Variants in UGT2A2 observed in about 807,000 individuals in gnomAD.
UGT2A2 encodes UDP-glucuronosyltransferase 2A2.
UGT2A2 carries 60 observed loss-of-function variants against 50.7 expected under a neutral mutation model. That is an observed-to-expected ratio of 1.18 (90% CI 0.96 to 1.47). UGT2A2 has a LOEUF of 1.47. UGT2A2 is among the 40% of genes most tolerant of loss of function. The probability of loss-of-function intolerance (pLI) is 0.00; values close to 1 mark genes in which losing one functional copy is unlikely to be tolerated. For synonymous variants in UGT2A2, 242 were observed against 214.6 expected (o/e 1.13, Z -1.11); for missense variants, 762 against 634.0 (o/e 1.20, Z -2.17).
In UGT2A2 at chr4:69,627,598, A is replaced by AAAG. The variant is rs1560486909; in HGVS notation, c.742+11300_742+11301insCTT. Among the ~76,000 whole-genome samples the AAAG allele has an allele frequency of 8.4e-3, 1,248 of 149,220 alleles. 9 individuals carry two copies. The highest frequency in any genetic ancestry group is 0.029 in the African/African-American group (1,165 of 40,624). On this transcript the variant is annotated intron_variant, in intron 1 of 5. Transcript: ENST00000604629. ...AGAGAGAAAGAAAAAAAGAAGAAAG[A>AAAG]AAAGAAAGAAAGAAAGAGAAGAAAG...
chr4:69,589,782 G>A (rs1718485839), intron 5 of UGT2A2, 131 bp from the exon 6 acceptor site: 20 of 1,325,784 alleles, frequency 1.5e-5, no homozygotes, highest in Non-Finnish European at 1.9e-5. Context: ...ATTCTTGCAT[G>A]AACTTTGTTA....
chr4:69,627,437 T>C lies in UGT2A2; in HGVS notation c.742+11462A>G, dbSNP rs1453472162. Among the ~76,000 whole-genome samples the C allele has an allele frequency of 2.0e-5, 3 of 149,182 alleles. 1 individual carries two copies. Among genetic ancestry groups the C allele is most frequent in the Admixed American group, 2.0e-4 (3 of 14,930 alleles). ...ATAACAAAATTCCAAATAAGAAATA[T>C]TTTTTGTTCCATAGGCAGACAGGCA... On this transcript the variant is annotated intron_variant, in intron 1 of 5. Transcript: ENST00000604629.
At chr4:69,637,770 G>C (rs1408444300) in intron 1 of UGT2A2, among the ~76,000 whole-genome samples, 2 of 152,050 alleles carry the variant, frequency 1.3e-5, no homozygotes, top group Non-Finnish European at 2.9e-5. Context: ...AATTTGATCT[G>C]TTTTGCTTAT....
chr4:69,616,368 T>C (rs1720384369), intron 1 of UGT2A2, among the ~76,000 whole-genome samples: 1 of 151,918 alleles, frequency 6.6e-6, no homozygotes, highest in Non-Finnish European at 1.5e-5. Flanking sequence ...TTAAAATGAC[T>C]AAGAGTGGAA....
intron 1 of UGT2A2, among the ~76,000 whole-genome samples, chr4:69,624,015 A>G (rs1169877121): frequency 1.3e-5 from 2 of 151,646 alleles, no homozygotes; most frequent in African/African-American, 4.8e-5. Flanking sequence ...TCCATGAAAA[A>G]TATGAACTCT....
chr4:69,610,773 C>G (rs1055326193), intron 1 of UGT2A2, among the ~76,000 whole-genome samples: 1 of 152,130 alleles, frequency 6.6e-6, no homozygotes, highest in Non-Finnish European at 1.5e-5. Context: ...CAAGAAAAAA[C>G]AGACCTGGCA....
intron 1 of UGT2A2, among the ~76,000 whole-genome samples, chr4:69,614,354 T>G (rs2109923436): frequency 6.6e-6 from 1 of 152,088 alleles, no homozygotes; most frequent in African/African-American, 2.4e-5. Flanking sequence ...TTTCTGTTCA[T>G]AGAATAGAGG....
At chr4:69,616,047 C>G (rs999086715) in intron 1 of UGT2A2, among the ~76,000 whole-genome samples, 1 of 151,944 alleles carries the variant, frequency 6.6e-6, no homozygotes, top group African/African-American at 2.4e-5. Flanking sequence ...AAGTGAAAAT[C>G]CCGTCATTTG....
intron 1 of UGT2A2, among the ~76,000 whole-genome samples, chr4:69,607,377 T>A (rs1444098420): frequency 6.6e-6 from 1 of 151,602 alleles, no homozygotes; most frequent in Admixed American, 6.6e-5. Context: ...TGTAGAAAGC[T>A]GAACCTGGAT....
intron 1 of UGT2A2, among the ~76,000 whole-genome samples, chr4:69,610,120 G>C (rs1169282717): frequency 6.6e-6 from 1 of 152,074 alleles, no homozygotes; most frequent in African/African-American, 2.4e-5. Context: ...TCATGTATTA[G>C]CAAAGTTGAT....
At chr4:69,596,117 C>A (rs551210445) in intron 3 of UGT2A2, 133 bp downstream of exon 3, 4 of 1,253,918 alleles carry the variant, frequency 3.2e-6, no homozygotes, top group Middle Eastern at 6.2e-4. Flanking sequence ...TATTACACAA[C>A]GTTACTTACA....
At chr4:69,623,941 CT>C (rs1251462149) in intron 1 of UGT2A2, among the ~76,000 whole-genome samples, 1 of 151,414 alleles carries the variant, frequency 6.6e-6, no homozygotes, top group Non-Finnish European at 1.5e-5. Context: ...GGACAAGCAC[CT>C]TAAAAAAGCA....
chr4:69,638,964 G>A lies in UGT2A2; in HGVS notation c.677C>T (p.Ser226Phe), dbSNP rs1406451144. The A allele has an allele frequency of 6.2e-7, 1 of 1,612,840 alleles. No homozygotes were observed. Among genetic ancestry groups the A allele is most frequent in the Non-Finnish European group, 8.5e-7 (1 of 1,179,448 alleles). The change falls in exon 1 of 6, where the codon TCT (serine) becomes TTT (phenylalanine). Residue 226 changes from serine (S) to phenylalanine (F), a missense_variant. Physicochemically the swap from Ser to Phe is radical, Grantham distance 155 (BLOSUM62 -2). Transcript: ENST00000604629. ...GGACTGAAATATATAGTCTTGCAGA[G>A]AATAAGATATGGTATTTTTAATCCT... Reference protein sequence around the residue: ...GERIKNTISYSLQDYIFQSYW... With the variant: ...GERIKNTISYFLQDYIFQSYW...
chr4:69,589,768 T>C (rs1308412186), intron 5 of UGT2A2, 117 bp from the exon 6 acceptor site: 1 of 1,390,136 alleles, frequency 7.2e-7, no homozygotes, highest in South Asian at 1.5e-5. Flanking sequence ...GTGGAGAAAA[T>C]ATAATTCTTG....
chr4:69,607,217 A>AGCAT (rs1235323614), intron 1 of UGT2A2, among the ~76,000 whole-genome samples: 5 of 150,542 alleles, frequency 3.3e-5, no homozygotes, highest in African/African-American at 7.4e-5. Flanking sequence ...GTACCAAAAC[A>AGCAT]GAGATAAAGA....
intron 1 of UGT2A2, among the ~76,000 whole-genome samples, chr4:69,602,521 T>C (rs762037439): frequency 7.3e-6 from 1 of 137,010 alleles, no homozygotes; most frequent in Non-Finnish European, 1.6e-5. Flanking sequence ...TATCATGTTA[T>C]GTAACAAATC....
At chr4:69,591,708 T>C (rs1718607190) in intron 5 of UGT2A2, among the ~76,000 whole-genome samples, 4 of 152,148 alleles carry the variant, frequency 2.6e-5, no homozygotes, top group Admixed American at 2.6e-4. Context: ...AAGCTTAGAA[T>C]TTTTATTTTT....
At position 69,636,344 on chromosome 4, in the gene UGT2A2, G is replaced by C. The variant is rs556783077; in HGVS notation, c.742+2555C>G. On this transcript the variant is annotated intron_variant, in intron 1 of 5. Transcript: ENST00000604629. ...GTTAGCAGGTGTTCTTAATCCTTTT[G>C]TTTGTGATGGCAAACAAAATACAAA... Among the ~76,000 whole-genome samples the C allele has an allele frequency of 3.9e-5, 6 of 152,110 alleles. No homozygotes were observed. In the South Asian group the frequency reaches 1.2e-3, roughly 32 times the overall value.
chr4:69,615,240 T>C (rs571883733), intron 1 of UGT2A2, among the ~76,000 whole-genome samples: 3 of 152,188 alleles, frequency 2.0e-5, no homozygotes, highest in African/African-American at 7.2e-5. Context: ...CTAATCTTTC[T>C]AATCTTTAAG....
Sources: allele counts gnomAD v4.1 joint callset (sites outside exome capture counted in the v4.1 genomes callset), GRCh38; gene constraint gnomAD v4.1.1; transcripts MANE v1.5; gene names NCBI Gene and HGNC (gene_info 2026-07-23, HGNC 2026-07-21).